The following GPR158 variants were observed in gnomAD, a reference collection of about 807,000 sequenced individuals.
GPR158 encodes metabotropic glycine receptor.
In GPR158, 30 loss-of-function variants were observed where a neutral mutation model predicts 78.2. That is an observed-to-expected ratio of 0.38 (90% CI 0.29 to 0.52). GPR158 has a LOEUF of 0.52. Among genes scored for constraint, GPR158 ranks in the 20% least tolerant of loss-of-function variants. GPR158 has a pLI of 0.83. For missense variants in GPR158, 1,463 were observed against 1,523.5 expected, an observed-to-expected ratio of 0.96 and a Z score of 0.66; for synonymous variants, 581 against 591.1, an observed-to-expected ratio of 0.98 and a Z score of 0.25.
intron 4 of GPR158, among the ~76,000 whole-genome samples, chr10:25,450,077 C>A (rs1835193506): frequency 6.6e-6 from 1 of 151,276 alleles, no homozygotes; most frequent in Non-Finnish European, 1.5e-5. Context: ...TTCAGAAAAA[C>A]AAAAAACTAA....
intron 2 of GPR158, among the ~76,000 whole-genome samples, chr10:25,314,032 T>G (rs1854808881): frequency 6.6e-6 from 1 of 152,190 alleles, no homozygotes; most frequent in South Asian, 2.1e-4. Context: ...TTAAAACGTT[T>G]TATTATTGAG....
Position 25,221,092 on chromosome 10 carries a change from A to G in GPR158, c.943A>G (p.Ile315Val), listed in dbSNP as rs1853293296. The G allele has an allele frequency of 6.2e-7, 1 of 1,602,910 alleles. No individual in the cohort carries two copies. The highest frequency in any genetic ancestry group is 1.7e-5 in the Admixed American group (1 of 59,616). ...TGACATAAATCTTCAGAAAGTGGAC[A>G]TTGACCAATGCTCAAGTGATGGCTG... ...KVDINLQKVDIDQCSSDGWFS... is the reference protein window; with the variant it reads ...KVDINLQKVDVDQCSSDGWFS... Residue 315 changes from isoleucine (I) to valine (V), a missense_variant, in exon 2 of 11, where the codon ATT (isoleucine) becomes GTT (valine). By Grantham distance (29) the Ile-to-Val change is conservative (BLOSUM62 3). Coordinates refer to ENST00000376351, the MANE Select transcript of GPR158 (RefSeq NM_020752.3).
chr10:25,439,866 C>G (rs1218038921), intron 4 of GPR158, among the ~76,000 whole-genome samples: 1 of 152,268 alleles, frequency 6.6e-6, no homozygotes, highest in East Asian at 1.9e-4. Context: ...TTGGCATTCT[C>G]TCTTCACCCA....
chr10:25,307,147 G>C (rs566663201), intron 2 of GPR158, among the ~76,000 whole-genome samples: 1 of 151,940 alleles, frequency 6.6e-6, no homozygotes, highest in East Asian at 1.9e-4. Flanking sequence ...TTAAGATAAT[G>C]AAAGTTGATC....
intron 5 of GPR158, among the ~76,000 whole-genome samples, chr10:25,524,428 C>T (rs1472851048): frequency 1.3e-5 from 2 of 152,184 alleles, no homozygotes; most frequent in African/African-American, 4.8e-5. Flanking sequence ...TAATGTGGTA[C>T]TGAGATAAGA....
At chr10:25,419,134 C>T (rs570404570) in intron 4 of GPR158, among the ~76,000 whole-genome samples, 1 of 152,150 alleles carries the variant, frequency 6.6e-6, no homozygotes, top group African/African-American at 2.4e-5. Context: ...ACCAAACTCT[C>T]TACCCATTAT....
intron 2 of GPR158, among the ~76,000 whole-genome samples, chr10:25,315,896 G>A (rs995960288): frequency 2.0e-5 from 3 of 151,980 alleles, no homozygotes; most frequent in African/African-American, 2.4e-5. Flanking sequence ...TTGATGTATT[G>A]TTTGTAGATT....
At chr10:25,285,163 T>C (rs117975391) in intron 2 of GPR158, among the ~76,000 whole-genome samples, 1,758 of 152,156 alleles carry the variant, frequency 0.012, 24 homozygotes, top group South Asian at 0.057. Flanking sequence ...TTTAATATTG[T>C]TTTTAGTGTA....
chr10:25,566,314 G>A (rs1328271549), intron 6 of GPR158, among the ~76,000 whole-genome samples: 3 of 152,120 alleles, frequency 2.0e-5, no homozygotes, highest in Non-Finnish European at 4.4e-5. Flanking sequence ...AGATCCTGGT[G>A]TTAGGAATAT....
chr10:25,443,179 G>A (rs1835091075), intron 4 of GPR158, among the ~76,000 whole-genome samples: 1 of 152,024 alleles, frequency 6.6e-6, no homozygotes, highest in South Asian at 2.1e-4. Context: ...CAAATTCCTG[G>A]GTTCAAGTGA....
intron 4 of GPR158, among the ~76,000 whole-genome samples, chr10:25,435,981 T>C (rs1424464919): frequency 6.6e-6 from 1 of 152,042 alleles, no homozygotes; most frequent in Non-Finnish European, 1.5e-5. Flanking sequence ...TCCTGAAGCT[T>C]GGGGAACTGG....
chr10:25,179,052 C>T (rs977375803), intron 1 of GPR158, among the ~76,000 whole-genome samples: 4 of 152,070 alleles, frequency 2.6e-5, no homozygotes, highest in Admixed American at 2.0e-4. Flanking sequence ...AAACAGCTGT[C>T]ACTTAAAAAA....
chr10:25,363,940 C>G (rs1409230268), intron 2 of GPR158, among the ~76,000 whole-genome samples: 1 of 150,982 alleles, frequency 6.6e-6, no homozygotes, highest in African/African-American at 2.5e-5. Context: ...GTCTTCTCTT[C>G]TACAAAATGA....
At position 25,601,101 on chromosome 10, in the gene GPR158, G is replaced by C. The variant is rs1837490798; in HGVS notation, c.*1827G>C. 1 of 152,482 alleles carries C rather than the reference G, an allele frequency of 6.6e-6. No individual in the cohort carries two copies. The highest frequency in any genetic ancestry group is 6.6e-5 in the Admixed American group (1 of 15,264). 9.4% of individuals were successfully genotyped at this position (152,482 alleles called of 1,614,324 possible). The stretch of plus-strand genomic sequence containing the variant: ...AAAAGATGGAGAAACAGGATCAGAG[G>C]GTGGATATAGGGCTGTTCTTAGAGA... On this transcript the variant is annotated 3_prime_UTR_variant, in exon 11 of 11. Transcript: ENST00000376351.
At chr10:25,214,146 C>T (rs1853173182) in intron 1 of GPR158, among the ~76,000 whole-genome samples, 1 of 152,034 alleles carries the variant, frequency 6.6e-6, no homozygotes, top group Non-Finnish European at 1.5e-5. Context: ...AGGCGCCCGA[C>T]ACCACGCCCC....
intron 2 of GPR158, among the ~76,000 whole-genome samples, chr10:25,318,832 C>T (rs1178734278): frequency 6.6e-6 from 1 of 152,176 alleles, no homozygotes; most frequent in African/African-American, 2.4e-5. Flanking sequence ...GGTGCAGTTA[C>T]TGTAAAAATG....
intron 4 of GPR158, among the ~76,000 whole-genome samples, chr10:25,432,303 G>T (rs1042268252): frequency 9.2e-5 from 14 of 152,282 alleles, no homozygotes; most frequent in African/African-American, 3.1e-4. Context: ...AATTCTCTCT[G>T]TTGGTGAAGG....
At position 25,175,942 on chromosome 10, in the gene GPR158, G is replaced by A. The variant is rs372812381; in HGVS notation, c.522G>A (p.Ala174=). The A allele has an allele frequency of 6.8e-6, 11 of 1,613,406 alleles. No homozygotes were observed. Among genetic ancestry groups the A allele is most frequent in the African/African-American group, 1.3e-5 (1 of 74,930 alleles). The change falls in exon 1 of 11, where the codon GCG becomes GCA. Residue 174 remains alanine, a synonymous_variant. Transcript: ENST00000376351. This position sits in a 1 kb window ranked among gnomAD's most constrained non-coding sequence, Gnocchi z 6.4. ...LLEGEPSISR[A]AITFSTDSLS... is the part of the protein sequence containing the mutation. ...AGGGCGAGCCCAGCATCTCCCGGGC[G>A]GCCATCACCTTCAGCACCGATTCGC...
chr10:25,459,562 T>C (rs917814177), intron 4 of GPR158, among the ~76,000 whole-genome samples: 1 of 152,162 alleles, frequency 6.6e-6, no homozygotes, highest in African/African-American at 2.4e-5. Context: ...TAAAAATGCT[T>C]AAAAAATATA....
Sources: allele counts gnomAD v4.1 joint callset (sites outside exome capture counted in the v4.1 genomes callset), GRCh38; gene constraint gnomAD v4.1.1; non-coding constraint Gnocchi (gnomAD v3.1); transcripts MANE v1.5; gene names NCBI Gene and HGNC (gene_info 2026-07-23, HGNC 2026-07-21).